The following LIFR variants were observed in gnomAD, a reference collection of about 807,000 sequenced individuals.
LIFR encodes leukemia inhibitory factor receptor.
A neutral mutation model predicts 122.2 loss-of-function variants in LIFR; 84 were observed. That is an observed-to-expected ratio of 0.69 (90% CI 0.58 to 0.82). The LOEUF (loss-of-function observed/expected upper bound fraction) is 0.82, where lower values mean the gene tolerates loss of function less well. LIFR is among the 40% of genes least tolerant of loss of function. The probability of loss-of-function intolerance (pLI) is 0.00; values close to 1 mark genes in which losing one functional copy is unlikely to be tolerated. For synonymous variants in LIFR, 422 were observed against 434.7 expected, an observed-to-expected ratio of 0.97 and a Z score of 0.36; for missense variants, 1,294 against 1,311.6, an observed-to-expected ratio of 0.99 and a Z score of 0.21.
chr5:38,594,570 T>C (rs1750035685), intron 1 of LIFR, among the ~76,000 whole-genome samples: 1 of 152,176 alleles, frequency 6.6e-6, no homozygotes, highest in African/African-American at 2.4e-5. Flanking sequence ...CAGGGGTATA[T>C]GAAGCTCTCT....
intron 1 of LIFR, chr5:38,579,113 C>T (rs1195477434): frequency 6.6e-6 from 1 of 152,180 alleles, no homozygotes; most frequent in Admixed American, 6.6e-5. Flanking sequence ...ATTTCAAAGA[C>T]TTATGTTTTA....
Position 38,479,344 on chromosome 5 carries a change from GGTGA to G in LIFR, c.*2247_*2250del, listed in dbSNP as rs1743868353. ...GTAGGGGATCCAAAAGTAGGGGAAA[GGTGA>G]GTGATATTCTGCACTTTTTTCATAC... is the stretch of plus-strand genomic sequence containing the variant. On this transcript the variant is annotated 3_prime_UTR_variant, in exon 20 of 20. Transcript: ENST00000453190. 1 of 231,326 alleles carries G rather than the reference GGTGA, an allele frequency of 4.3e-6. No individual in the cohort carries two copies. The highest frequency in any genetic ancestry group is 5.6e-5 in the Admixed American group (1 of 17,716). 14.3% of individuals were successfully genotyped at this position (231,326 alleles called of 1,614,324 possible).
intron 13 of LIFR, 56 bp from the exon 14 acceptor site, chr5:38,493,841 A>G (rs1580022621): frequency 1.4e-6 from 2 of 1,428,320 alleles, no homozygotes; most frequent in Non-Finnish European, 2.0e-6. Context: ...TATAAGGCAA[A>G]TCTCATAAAA....
upstream of LIFR, among the ~76,000 whole-genome samples, chr5:38,561,160 A>C (rs1214303041): frequency 6.6e-6 from 1 of 152,082 alleles, no homozygotes; most frequent in African/African-American, 2.4e-5. Flanking sequence ...TCTGGGAAGA[A>C]TTTGTCTTAA....
In LIFR at chr5:38,530,144, C is replaced by A. The variant is rs887327560; in HGVS notation, c.142+362G>T. 1.1e-4 allele frequency among the ~76,000 whole-genome samples: 17 copies of A among 152,232 alleles called. No homozygotes were observed. In the East Asian group the frequency reaches 3.1e-3, roughly 28 times the overall value. The stretch of plus-strand genomic sequence containing the variant: ...AAGGCAGTGCTGGCAGGGGATGGGC[C>A]TGGGAGGGCTGACTACAGAGGAGCC... On this transcript the variant is annotated intron_variant, in intron 2 of 19. Transcript: ENST00000453190.
chr5:38,486,510 G>GT (rs769276218), intron 16 of LIFR, among the ~76,000 whole-genome samples: 7 of 152,184 alleles, frequency 4.6e-5, no homozygotes, highest in Non-Finnish European at 7.3e-5. Flanking sequence ...AAAAGGAAGA[G>GT]TGAGGAATCA....
chr5:38,530,077 A>G (rs1746920022), intron 2 of LIFR, among the ~76,000 whole-genome samples: 1 of 152,204 alleles, frequency 6.6e-6, no homozygotes, highest in Non-Finnish European at 1.5e-5. Flanking sequence ...GACATTCTAA[A>G]AAGGTAACAT....
At chr5:38,601,076 T>G (rs1044601879) in intron 2 of LIFR, among the ~76,000 whole-genome samples, 1 of 152,284 alleles carries the variant, frequency 6.6e-6, no homozygotes, top group South Asian at 2.1e-4. Flanking sequence ...ATGATTTCGC[T>G]CCCCTCTAAT....
intron 7 of LIFR, among the ~76,000 whole-genome samples, chr5:38,506,884 C>T (rs545022957): frequency 3.3e-5 from 5 of 152,280 alleles, no homozygotes; most frequent in African/African-American, 7.2e-5. Context: ...CCTGTAGCAA[C>T]TTGAAATATC....
At chr5:38,561,085 G>A (rs1056643057), upstream of LIFR, among the ~76,000 whole-genome samples, 7 of 152,182 alleles carry the variant, frequency 4.6e-5, no homozygotes, top group African/African-American at 1.7e-4. Context: ...GGTTTGCATA[G>A]CTCTCATTGT....
intron 5 of LIFR, among the ~76,000 whole-genome samples, chr5:38,514,226 A>C (rs952544534): frequency 4.6e-5 from 7 of 152,166 alleles, no homozygotes; most frequent in South Asian, 2.1e-4. Flanking sequence ...AAAAAGGAGA[A>C]GACAGAGAAG....
At chr5:38,598,697 G>A (rs546766479), upstream of LIFR, among the ~76,000 whole-genome samples, 1 of 152,152 alleles carries the variant, frequency 6.6e-6, no homozygotes, top group South Asian at 2.1e-4. Context: ...CCTCCACGAG[G>A]TCTGCCCTAA....
At chr5:38,506,422 C>T (rs995810428) in intron 8 of LIFR, 81 bp downstream of exon 8, 25 of 1,475,334 alleles carry the variant, frequency 1.7e-5, no homozygotes, top group Non-Finnish European at 6.6e-6. Flanking sequence ...CATAAATGAT[C>T]TAGTGCAGTT....
At chr5:38,518,406 G>T (rs916880441) in intron 5 of LIFR, among the ~76,000 whole-genome samples, 1 of 151,946 alleles carries the variant, frequency 6.6e-6, no homozygotes, top group Non-Finnish European at 1.5e-5. Flanking sequence ...AAGAATCAAG[G>T]TATACAGTAA....
Position 38,481,709 on chromosome 5 carries a change from T to C in LIFR, c.3180A>G (p.Pro1060=), listed in dbSNP as rs762094729. 6 of 1,614,092 alleles carry C rather than the reference T, an allele frequency of 3.7e-6. No homozygotes were observed. The African/African-American group carries it at 5.3e-5, about 14-fold the overall frequency. The change falls in exon 20 of 20, where the codon CCA becomes CCG. Residue 1060 remains proline, a synonymous_variant. Coordinates refer to ENST00000453190, the MANE Select transcript of LIFR (RefSeq NM_001127671.2). Reference sequence around the variant, plus strand: ...AAAATTGTCGGGAATTAATGGAGCATGGACTTCCAAATGAGACAATCTCAC... The same window carrying C: ...AAAATTGTCGGGAATTAATGGAGCACGGACTTCCAAATGAGACAATCTCAC... ...SNSEIVSFGS[P]CSINSRQFLI...
intron 1 of LIFR, among the ~76,000 whole-genome samples, chr5:38,569,189 T>C (rs1282266277): frequency 6.6e-6 from 1 of 152,252 alleles, no homozygotes; most frequent in Non-Finnish European, 1.5e-5. Flanking sequence ...TTTCTCATTC[T>C]TCTTGCTCAG....
At chr5:38,500,596 A>G (rs1246365602) in intron 11 of LIFR, among the ~76,000 whole-genome samples, 1 of 152,180 alleles carries the variant, frequency 6.6e-6, no homozygotes, top group African/African-American at 2.4e-5. Flanking sequence ...AAAGTTTTGG[A>G]TCTTGGAGCA....
intron 1 of LIFR, among the ~76,000 whole-genome samples, chr5:38,555,418 A>T (rs1748466742): frequency 6.6e-6 from 1 of 152,186 alleles, no homozygotes; most frequent in South Asian, 2.1e-4. Flanking sequence ...CCCCTGCCTA[A>T]ACGATACTAC....
intron 1 of LIFR, among the ~76,000 whole-genome samples, chr5:38,576,182 C>A (rs1749378476): frequency 6.6e-6 from 1 of 152,118 alleles, no homozygotes; most frequent in African/African-American, 2.4e-5. Flanking sequence ...TTGTGAACCT[C>A]AAAAACCACC....
Sources: gnomAD v4.1 joint callset for allele counts (sites outside exome capture counted in the v4.1 genomes callset) on GRCh38, gnomAD v4.1.1 for gene constraint, MANE v1.5 for transcripts, NCBI Gene and HGNC (gene_info 2026-07-23, HGNC 2026-07-21) for gene names.